PKHD1: variants seen among roughly 807,000 people sequenced by gnomAD.
PKHD1 encodes the protein PKHD1 ciliary IPT domain containing fibrocystin/polyductin, also known as fibrocystin.
In PKHD1, 291 loss-of-function variants were observed where a neutral mutation model predicts 412.0. The ratio of observed to expected loss-of-function variants is 0.71; its 90% CI spans 0.64 to 0.78. The LOEUF is 0.78. PKHD1 is among the 30% of genes least tolerant of loss of function. PKHD1 has a pLI of 0.00. For missense variants in PKHD1, 4,825 were observed against 4,950.7 expected (o/e 0.97, Z 0.76); for synonymous variants, 1,777 against 1,821.5 (o/e 0.98, Z 0.62).
At chr6:51,792,014 A>C (rs1310134826) in intron 52 of PKHD1, among the ~76,000 whole-genome samples, 2 of 152,214 alleles carry the variant, frequency 1.3e-5, no homozygotes, top group African/African-American at 4.8e-5. Flanking sequence ...CATGCTTAAT[A>C]AACGCTTGAT....
intron 35 of PKHD1, among the ~76,000 whole-genome samples, chr6:51,970,155 A>G (rs1793453703): frequency 6.6e-6 from 1 of 152,142 alleles, no homozygotes; most frequent in African/African-American, 2.4e-5. Flanking sequence ...TCGGTATCCC[A>G]CTGTGGTTTT....
In PKHD1 at chr6:51,769,882, T is replaced by C. The variant is rs971629175; in HGVS notation, c.8642+2820A>G. ...ATTCTGTTGGTAAAGTTTTGATATT[T>C]TCTTGGATATAAAAGTTATTTAGAA... On this transcript the variant is annotated intron_variant, in intron 55 of 66. Coordinates refer to ENST00000371117, the MANE Select transcript of PKHD1 (RefSeq NM_138694.4). Among the ~76,000 whole-genome samples, 9 of 151,786 alleles carry C rather than the reference T, an allele frequency of 5.9e-5. No homozygotes were observed. In the South Asian group the frequency reaches 6.2e-4, roughly 11 times the overall value.
chr6:51,785,267 C>T (rs948068142), intron 53 of PKHD1, among the ~76,000 whole-genome samples: 9 of 152,144 alleles, frequency 5.9e-5, no homozygotes, highest in Non-Finnish European at 8.8e-5. Flanking sequence ...ATTTCACCAT[C>T]CAAAAGAAAA....
intron 50 of PKHD1, among the ~76,000 whole-genome samples, chr6:51,844,805 C>T (rs1770863890): frequency 6.6e-6 from 1 of 151,948 alleles, no homozygotes; most frequent in Non-Finnish European, 1.5e-5. Flanking sequence ...AAATGCCAGC[C>T]AAGAAAAGGA....
At chr6:51,729,880 T>A (rs1028032471) in intron 60 of PKHD1, among the ~76,000 whole-genome samples, 4 of 152,144 alleles carry the variant, frequency 2.6e-5, no homozygotes, top group African/African-American at 2.4e-5. Context: ...AAGTCCTAAA[T>A]TTAAAAACTG....
intron 8 of PKHD1, among the ~76,000 whole-genome samples, chr6:52,071,608 T>C (rs1387672971): frequency 6.6e-6 from 1 of 152,130 alleles, no homozygotes. Context: ...AACTTATTTC[T>C]AAATTTTTTA....
intron 60 of PKHD1, among the ~76,000 whole-genome samples, chr6:51,697,169 G>C (rs1778901651): frequency 7.4e-6 from 1 of 135,378 alleles, no homozygotes; most frequent in Non-Finnish European, 1.6e-5. Context: ...AACAGAGTGA[G>C]ACTCCGTCTC....
chr6:51,690,038 C>G (rs963739979), intron 60 of PKHD1, among the ~76,000 whole-genome samples: 3 of 151,960 alleles, frequency 2.0e-5, no homozygotes, highest in African/African-American at 7.3e-5. Flanking sequence ...CTTTGGGAGG[C>G]AGAGATGGGC....
chr6:52,082,360 TGTCTG>T, intron 4 of PKHD1, 27 bp downstream of exon 4: 1 of 1,611,104 alleles, frequency 6.2e-7, no homozygotes, highest in Non-Finnish European at 8.5e-7. Context: ...TCCCTCATCC[TGTCTG>T]GTCTTCCTAT....
chr6:51,892,239 A>C (rs1342216419), intron 43 of PKHD1, among the ~76,000 whole-genome samples: 1 of 152,196 alleles, frequency 6.6e-6, no homozygotes, highest in African/African-American at 2.4e-5. Context: ...ACCAAAAGTG[A>C]CTTTTGGATA....
chr6:51,855,670 A>C (rs992304874), intron 49 of PKHD1, among the ~76,000 whole-genome samples: 1 of 152,216 alleles, frequency 6.6e-6, no homozygotes, highest in Non-Finnish European at 1.5e-5. Flanking sequence ...AATAACACAT[A>C]AATAGATTCT....
intron 37 of PKHD1, among the ~76,000 whole-genome samples, chr6:51,920,906 G>T (rs1784588054): frequency 6.6e-6 from 1 of 152,172 alleles, no homozygotes; most frequent in South Asian, 2.1e-4. Flanking sequence ...CATTTTATTT[G>T]TGTAGAGGTG....
At chr6:51,714,056 T>C (rs776113980) in intron 60 of PKHD1, among the ~76,000 whole-genome samples, 7 of 152,038 alleles carry the variant, frequency 4.6e-5, no homozygotes, top group Non-Finnish European at 1.0e-4. Context: ...ATAGAAGAGA[T>C]GAAGAATTCA....
Position 51,950,220 on chromosome 6 carries a change from A to AAAAAAATATATATATAT in PKHD1, c.5908+9649_5908+9650insATATATATATATTTTTT. 4.7e-3 allele frequency among the ~76,000 whole-genome samples: 457 copies of AAAAAAATATATATATAT among 98,204 alleles called. 4 individuals are homozygous for AAAAAAATATATATATAT. Among genetic ancestry groups the AAAAAAATATATATATAT allele is most frequent in the East Asian group, 0.027 (50 of 1,832 alleles). 64.4% of individuals were successfully genotyped at this position (98,204 alleles called of 152,430 possible). A position where few individuals can be genotyped will look rare whatever the true frequency, so the allele number is the denominator to read the frequency against. On this transcript the variant is annotated intron_variant, in intron 36 of 66. Coordinates refer to ENST00000371117, the MANE Select transcript of PKHD1 (RefSeq NM_138694.4). ...AATGGGCAATATAGAGAAAAAAAAA[A>AAAAAAATATATATATAT]ATATATATATATATATATATGAAAT... is the stretch of plus-strand genomic sequence containing the variant.
intron 55 of PKHD1, among the ~76,000 whole-genome samples, chr6:51,765,170 C>T (rs1788772048): frequency 1.3e-5 from 2 of 152,078 alleles, no homozygotes; most frequent in African/African-American, 2.4e-5. Flanking sequence ...AGCACTCTTT[C>T]CTTGCCTCCA....
At chr6:52,012,625 T>C (rs2128121491) in intron 34 of PKHD1, among the ~76,000 whole-genome samples, 1 of 152,310 alleles carries the variant, frequency 6.6e-6, no homozygotes, top group East Asian at 1.9e-4. Flanking sequence ...TGTGATGGAA[T>C]CAAATGCAAA....
intron 60 of PKHD1, among the ~76,000 whole-genome samples, chr6:51,665,002 A>C (rs776605884): frequency 3.9e-5 from 6 of 152,110 alleles, no homozygotes; most frequent in Non-Finnish European, 5.9e-5. Context: ...TACACTCCCC[A>C]AAAATGAAAA....
At chr6:51,788,912 G>A (rs1793306573) in intron 53 of PKHD1, among the ~76,000 whole-genome samples, 1 of 152,140 alleles carries the variant, frequency 6.6e-6, no homozygotes, top group Admixed American at 6.6e-5. Context: ...ATATGTTGCA[G>A]ATGAAGAAAT....
intron 45 of PKHD1, 29 bp downstream of exon 45, chr6:51,885,838 A>G (rs746201115): frequency 7.9e-6 from 11 of 1,386,258 alleles, no homozygotes; most frequent in Non-Finnish European, 1.0e-5. Context: ...AAAAACAACA[A>G]CAATAACAAC....
Sources: gnomAD v4.1 joint callset for allele counts (sites outside exome capture counted in the v4.1 genomes callset) on GRCh38, gnomAD v4.1.1 for gene constraint, MANE v1.5 for transcripts, NCBI Gene and HGNC (gene_info 2026-07-23, HGNC 2026-07-21) for gene names.